The following CCDC141 variants were observed in gnomAD, a reference collection of about 807,000 sequenced individuals.
CCDC141 encodes the protein coiled-coil domain-containing protein 141.
In CCDC141, 168 loss-of-function variants were observed where a neutral mutation model predicts 181.0. That is an observed-to-expected ratio of 0.93 (90% CI 0.82 to 1.05). CCDC141 has a LOEUF of 1.05. Among genes scored for constraint, CCDC141 ranks in the 50% least tolerant of loss-of-function variants. The pLI is 0.00. For missense variants in CCDC141, 1,902 were observed against 1,788.5 expected, an observed-to-expected ratio of 1.06 and a Z score of -1.14; for synonymous variants, 666 against 642.3, an observed-to-expected ratio of 1.04 and a Z score of -0.56.
intron 17 of CCDC141, among the ~76,000 whole-genome samples, chr2:178,856,629 C>A (rs553115019): frequency 6.7e-6 from 1 of 150,298 alleles, no homozygotes; most frequent in South Asian, 2.2e-4. Flanking sequence ...CACTTTGTCA[C>A]TCAGGCTGGA....
At chr2:179,002,615 G>A in intron 2 of CCDC141, 1 of 255,900 alleles carries the variant, frequency 3.9e-6, no homozygotes, top group Non-Finnish European at 7.6e-6. Flanking sequence ...CAACATAAAT[G>A]CTGCTATGTT....
intron 17 of CCDC141, among the ~76,000 whole-genome samples, chr2:178,856,723 T>G (rs1299592248): frequency 1.3e-5 from 2 of 152,156 alleles, no homozygotes; most frequent in Non-Finnish European, 2.9e-5. Flanking sequence ...TAGCTAGGAC[T>G]GCAGATGTGT....
chr2:179,023,753 C>A (rs1219951016), intron 2 of CCDC141, among the ~76,000 whole-genome samples: 3 of 152,114 alleles, frequency 2.0e-5, no homozygotes, highest in African/African-American at 7.2e-5. Flanking sequence ...ACATTAAAAG[C>A]AATGCTAAAT....
intron 17 of CCDC141, among the ~76,000 whole-genome samples, chr2:178,865,535 A>G (rs1161439087): frequency 1.3e-5 from 2 of 152,240 alleles, no homozygotes; most frequent in Non-Finnish European, 2.9e-5. Flanking sequence ...TTTTCTATGC[A>G]TTGACATCAT....
intron 2 of CCDC141, among the ~76,000 whole-genome samples, chr2:178,997,281 C>T (rs1692330250): frequency 6.6e-6 from 1 of 152,142 alleles, no homozygotes; most frequent in Non-Finnish European, 1.5e-5. Context: ...CAGGCCTTCC[C>T]TTCTGAATCT....
chr2:178,855,679 T>C, intron 18 of CCDC141, 138 bp from the exon 19 acceptor site: 1 of 548,216 alleles, frequency 1.8e-6, no homozygotes, highest in South Asian at 3.1e-5. Context: ...TACAAATATA[T>C]TATGGTAAGA....
Position 178,975,158 on chromosome 2 carries a change from A to G in CCDC141, c.425T>C (p.Ile142Thr), listed in dbSNP as rs558662861. The G allele has an allele frequency of 1.4e-6, 2 of 1,458,504 alleles. No homozygotes were observed. The highest frequency in any genetic ancestry group is 2.8e-5 in the African/African-American group (2 of 71,878). 90.3% of individuals were successfully genotyped at this position (1,458,504 alleles called of 1,614,324 possible). A position where few individuals can be genotyped will look rare whatever the true frequency, so the allele number is the denominator to read the frequency against. Reference sequence around the variant, plus strand: ...GAAATCTTCAGCTTGGTCTATTTTAATAGCAAACTACAATAGAAATACAGA... The same window carrying G: ...GAAATCTTCAGCTTGGTCTATTTTAGTAGCAAACTACAATAGAAATACAGA... ...EFFENALEFA[I>T]KIDQAEDFLQ... Residue 142 changes from isoleucine to threonine, a missense_variant, in exon 4 of 24, where the codon ATT (isoleucine) becomes ACT (threonine). By Grantham distance (89) the Ile-to-Thr change is moderately conservative. Coordinates refer to ENST00000443758, the MANE Select transcript of CCDC141 (RefSeq NM_173648.4).
chr2:178,934,087 G>A (rs1267737529), intron 6 of CCDC141, among the ~76,000 whole-genome samples: 2 of 118,120 alleles, frequency 1.7e-5, no homozygotes, highest in Admixed American at 1.0e-4. Context: ...GGAATGAGAT[G>A]CAGACATCAG....
chr2:178,846,095 T>C (rs774359725), intron 21 of CCDC141, among the ~76,000 whole-genome samples: 13 of 151,900 alleles, frequency 8.6e-5, no homozygotes, highest in Non-Finnish European at 1.5e-4. Flanking sequence ...GGAGCAGCAG[T>C]GAGGTAGAAA....
intron 5 of CCDC141, among the ~76,000 whole-genome samples, chr2:178,955,640 T>C (rs1690130735): frequency 6.6e-6 from 1 of 152,218 alleles, no homozygotes; most frequent in Non-Finnish European, 1.5e-5. Context: ...CATTTGTTTG[T>C]TTAGTTTTTT....
chr2:179,039,602 G>A (rs542008538), intron 2 of CCDC141, among the ~76,000 whole-genome samples: 6 of 152,212 alleles, frequency 3.9e-5, no homozygotes, highest in African/African-American at 1.2e-4. Context: ...ACTCAGCACC[G>A]AATCCTACAC....
intron 19 of CCDC141, among the ~76,000 whole-genome samples, 158 bp from the exon 20 acceptor site, chr2:178,853,782 C>T (rs1443508767): frequency 6.6e-6 from 1 of 151,996 alleles, no homozygotes; most frequent in Non-Finnish European, 1.5e-5. Context: ...AAAACATGAT[C>T]GTATTCTACA....
intron 8 of CCDC141, among the ~76,000 whole-genome samples, chr2:178,904,634 C>T (rs375247138): frequency 8.6e-5 from 13 of 152,034 alleles, no homozygotes; most frequent in East Asian, 3.9e-4. Context: ...TCATTTCTTC[C>T]GGGTCGATAT....
At chr2:178,868,687 G>A (rs1685970351) in intron 15 of CCDC141, among the ~76,000 whole-genome samples, 1 of 150,424 alleles carries the variant, frequency 6.6e-6, no homozygotes, top group Non-Finnish European at 1.5e-5. Flanking sequence ...GGGAGAGGGG[G>A]TGGGCGGGAA....
In CCDC141 at chr2:178,869,303, T is replaced by C. The variant is rs761573736; in HGVS notation, c.2208A>G (p.Gln736=). Residue 736 remains glutamine (Q), a splice_region_variant and synonymous_variant, in exon 15 of 24, where the codon CAA becomes CAG. Transcript: ENST00000443758. The part of the protein sequence containing the change: ...KWNDMKPQFQ[Q]LNDEVQYIMK... The stretch of plus-strand genomic sequence containing the variant: ...TAATGTACTGAACCTCATCATTCAA[T>C]TGCTAAAACATTGAAAGCAATAAAA... 6 of 1,574,406 alleles carry C rather than the reference T, an allele frequency of 3.8e-6. No homozygotes were observed. The African/African-American group carries it at 8.3e-5, about 22-fold the overall frequency.
intron 5 of CCDC141, among the ~76,000 whole-genome samples, chr2:178,948,812 A>C (rs537034804): frequency 1.3e-5 from 2 of 152,146 alleles, no homozygotes; most frequent in African/African-American, 4.8e-5. Flanking sequence ...GCTCCCCTTC[A>C]CCTTCCGCCA....
chr2:178,915,596 C>T (rs1041485823), intron 7 of CCDC141, among the ~76,000 whole-genome samples: 2 of 152,160 alleles, frequency 1.3e-5, no homozygotes, highest in African/African-American at 4.8e-5. Context: ...AAGGAAAGTA[C>T]CTTTTTGTAA....
At chr2:178,819,293 T>G in the CCDC141 span, among the ~76,000 whole-genome samples, 21 of 152,314 alleles carry the variant, frequency 1.4e-4, no homozygotes, top group East Asian at 4.0e-3. Context: ...TACATTTAAT[T>G]GAACATCATC....
chr2:178,969,109 A>AAAG (rs1690765025), intron 4 of CCDC141, among the ~76,000 whole-genome samples: 1 of 144,158 alleles, frequency 6.9e-6, no homozygotes, highest in African/African-American at 2.6e-5. Flanking sequence ...CCAACCAAAA[A>AAAG]AAAAAAAAAA....
Sources: allele counts gnomAD v4.1 joint callset (sites outside exome capture counted in the v4.1 genomes callset), GRCh38; gene constraint gnomAD v4.1.1; transcripts MANE v1.5; gene names NCBI Gene and HGNC (gene_info 2026-07-23, HGNC 2026-07-21).